Variants in ARV1 observed in about 807,000 individuals in gnomAD.
ARV1 encodes the protein ARV1 fatty acid homeostasis modulator, also known as protein ARV1.
ARV1 carries 26 observed loss-of-function variants against 31.1 expected under a neutral mutation model. The observed-to-expected ratio is 0.84, with a 90% CI of 0.61 to 1.16. ARV1 has a LOEUF of 1.16. Ranked by LOEUF, ARV1 falls within the 50% of genes most tolerant of loss-of-function variation. The probability of loss-of-function intolerance (pLI) is 0.00; values close to 1 mark genes in which losing one functional copy is unlikely to be tolerated. For synonymous variants in ARV1, 117 were observed against 123.2 expected, an observed-to-expected ratio of 0.95 and a Z score of 0.34; for missense variants, 281 against 324.9, an observed-to-expected ratio of 0.86 and a Z score of 1.04.
At chr1:230,991,631 CTTTTTT>C (rs35843547) in intron 3 of ARV1, among the ~76,000 whole-genome samples, 1 of 133,020 alleles carries the variant, frequency 7.5e-6, no homozygotes, top group East Asian at 2.2e-4. Context: ...AGTACTTCTA[CTTTTTT>C]TTTTTTTTTT....
At chr1:230,986,701 T>TTTTTTTTTTC (rs1679087826) in intron 1 of ARV1, among the ~76,000 whole-genome samples, 1 of 81,570 alleles carries the variant, frequency 1.2e-5, no homozygotes, top group African/African-American at 6.0e-5. Flanking sequence ...TTTTTTTTTT[T>TTTTTTTTTTC]TTTTTGAGAG....
chr1:230,988,542 A>G (rs1679143993), intron 2 of ARV1, 103 bp downstream of exon 2: 1 of 1,055,694 alleles, frequency 9.5e-7, no homozygotes, highest in Non-Finnish European at 1.3e-6. Context: ...TAAAAGAGGA[A>G]AAGAAATTCT....
chr1:230,979,770 A>G (rs1477742174), intron 1 of ARV1, among the ~76,000 whole-genome samples: 1 of 152,202 alleles, frequency 6.6e-6, no homozygotes, highest in Non-Finnish European at 1.5e-5. Flanking sequence ...TGAGGAAGTA[A>G]AAATTCTCAT....
chr1:230,999,959 T>C (rs1679477358), intron 5 of ARV1, 179 bp from the exon 6 acceptor site: 1 of 152,206 alleles, frequency 6.6e-6, no homozygotes, highest in Non-Finnish European at 1.5e-5. Context: ...TATGTCTGTC[T>C]GGTATTAAAA....
chr1:230,982,638 T>G (rs1197191420), intron 1 of ARV1, among the ~76,000 whole-genome samples: 3 of 152,202 alleles, frequency 2.0e-5, no homozygotes. Flanking sequence ...TCCACAGTCA[T>G]TCCATAATGA....
intron 3 of ARV1, among the ~76,000 whole-genome samples, chr1:230,993,390 C>T (rs1277443679): frequency 2.6e-5 from 4 of 151,292 alleles, no homozygotes; most frequent in Non-Finnish European, 4.4e-5. Context: ...GCCACTGTTC[C>T]TGGCCCTTCT....
intron 3 of ARV1, 81 bp from the exon 4 acceptor site, chr1:230,995,679 T>G (rs1483787069): frequency 9.6e-7 from 1 of 1,044,588 alleles, no homozygotes; most frequent in African/African-American, 1.6e-5. Context: ...AGCTGTATTT[T>G]AGAATGGTGG....
At chr1:230,982,609 C>A (rs1000160939) in intron 1 of ARV1, among the ~76,000 whole-genome samples, 1 of 152,168 alleles carries the variant, frequency 6.6e-6, no homozygotes, top group African/African-American at 2.4e-5. Context: ...TGGCACAGTA[C>A]TTTATGGATT....
intron 1 of ARV1, among the ~76,000 whole-genome samples, chr1:230,980,091 G>A (rs974124690): frequency 1.3e-5 from 2 of 152,144 alleles, no homozygotes; most frequent in Non-Finnish European, 2.9e-5. Context: ...TTGACAAACT[G>A]AGTGTATACC....
At chr1:230,979,833 G>A (rs1199326387) in intron 1 of ARV1, among the ~76,000 whole-genome samples, 1 of 152,132 alleles carries the variant, frequency 6.6e-6, no homozygotes, top group Non-Finnish European at 1.5e-5. Context: ...CCATCTCAGA[G>A]TTAAGGCCCG....
chr1:230,988,930 T>C (rs1216729001), intron 2 of ARV1, among the ~76,000 whole-genome samples: 2 of 152,218 alleles, frequency 1.3e-5, no homozygotes, highest in African/African-American at 4.8e-5. Flanking sequence ...AATAAACTTT[T>C]AGTTTATTGA....
intron 2 of ARV1, 139 bp from the exon 3 acceptor site, chr1:230,989,971 G>A (rs1679183688): frequency 1.2e-6 from 1 of 818,966 alleles, no homozygotes; most frequent in East Asian, 2.8e-5. Context: ...ATTACAAAAT[G>A]ACTACAATTA....
intron 3 of ARV1, among the ~76,000 whole-genome samples, chr1:230,992,395 A>G (rs1211489770): frequency 1.3e-5 from 2 of 152,182 alleles, no homozygotes; most frequent in Admixed American, 1.3e-4. Flanking sequence ...GAGTTGGCTA[A>G]AATGACACTT....
At chr1:230,991,836 GT>G (rs1261042232) in intron 3 of ARV1, among the ~76,000 whole-genome samples, 2 of 151,934 alleles carry the variant, frequency 1.3e-5, no homozygotes, top group African/African-American at 4.8e-5. Context: ...CACCATGTTG[GT>G]CAGGCTGGTC....
At chr1:230,989,841 A>G (rs563798353) in intron 2 of ARV1, among the ~76,000 whole-genome samples, 5 of 152,332 alleles carry the variant, frequency 3.3e-5, no homozygotes, top group African/African-American at 4.8e-5. Flanking sequence ...AACTGTTTCA[A>G]AGTATGATGT....
At position 230,995,840 on chromosome 1, in the gene ARV1, A is replaced by T; in HGVS notation, c.529A>T (p.Ile177Phe). The stretch of plus-strand genomic sequence containing the variant: ...GACGGCAAAAAAAAAGCCCAACTTC[A>T]TTTTGCTGCTGAAAGCATTATTATT... Reference protein sequence around the residue: ...PMTAKKKPNFILLLKALLLSS... With the variant: ...PMTAKKKPNFFLLLKALLLSS... Residue 177 changes from isoleucine to phenylalanine, a missense_variant, in exon 4 of 6, where the codon ATT (isoleucine) becomes TTT (phenylalanine). Transcript: ENST00000310256. 6.2e-7 allele frequency: 1 copy of T among 1,614,034 alleles called. No homozygotes were observed. Among genetic ancestry groups the T allele is most frequent in the Non-Finnish European group, 8.5e-7 (1 of 1,180,004 alleles).
In ARV1 at chr1:230,997,226, G is replaced by A. The variant is rs1434706067; in HGVS notation, c.779G>A (p.Gly260Glu). 6.2e-7 allele frequency: 1 copy of A among 1,614,094 alleles called. No homozygotes were observed. Among genetic ancestry groups the A allele is most frequent in the Non-Finnish European group, 8.5e-7 (1 of 1,179,948 alleles). Residue 260 changes from glycine to glutamate, a missense_variant, in exon 5 of 6, where the codon GGA becomes GAA. Gly to Glu is a moderately conservative substitution (Grantham distance 98, BLOSUM62 -2). Transcript: ENST00000310256. ...YFFQSMEWDV[G>E]SDYAIFKSQD... ...TTCCAGAGTATGGAATGGGATGTTG[G>A]AAGTGATTATGCCATCTTTAAATCT...
At chr1:230,989,920 C>T (rs1679182815) in intron 2 of ARV1, among the ~76,000 whole-genome samples, 190 bp from the exon 3 acceptor site, 1 of 152,098 alleles carries the variant, frequency 6.6e-6, no homozygotes, top group South Asian at 2.1e-4. Flanking sequence ...AAAAAATCTC[C>T]CCATGTGCTT....
chr1:230,980,550 T>TG (rs1380217943), intron 1 of ARV1, among the ~76,000 whole-genome samples: 1 of 152,134 alleles, frequency 6.6e-6, no homozygotes, highest in Non-Finnish European at 1.5e-5. Flanking sequence ...TTGACCAGGC[T>TG]GGTCTTGAAC....
Sources: gnomAD v4.1 joint callset for allele counts (sites outside exome capture counted in the v4.1 genomes callset) on GRCh38, gnomAD v4.1.1 for gene constraint, MANE v1.5 for transcripts, NCBI Gene and HGNC (gene_info 2026-07-23, HGNC 2026-07-21) for gene names.